Variants in LRRC4C observed in about 807,000 individuals in gnomAD.
The protein encoded by LRRC4C is leucine rich repeat containing 4C, also known as leucine-rich repeat-containing protein 4C.
Under a neutral mutation model 33.6 loss-of-function variants are expected in LRRC4C, and 5 were observed. That is an observed-to-expected ratio of 0.15 (90% CI 0.08 to 0.31). The LOEUF (loss-of-function observed/expected upper bound fraction) is 0.31. LRRC4C is among the 10% of genes least tolerant of loss of function. The probability of loss-of-function intolerance (pLI) is 1.00; values close to 1 mark genes in which losing one functional copy is unlikely to be tolerated. For missense variants in LRRC4C, 560 were observed against 796.7 expected, an observed-to-expected ratio of 0.70 and a Z score of 3.58; for synonymous variants, 329 against 302.0, an observed-to-expected ratio of 1.09 and a Z score of -0.93.
rs760891828 is a variant in LRRC4C, at chr11:40,500,287, TATATATACAC to T, written c.-270+147845_-270+147854del. Among the ~76,000 whole-genome samples the T allele has an allele frequency of 7.8e-3, 555 of 71,004 alleles. 3 individuals are homozygous for T. Among genetic ancestry groups the T allele is most frequent in the African/African-American group, 0.022 (452 of 20,584 alleles). The allele number at this position is 71,004 out of a possible 152,430, so 46.6% of individuals were successfully genotyped here. A position where few individuals can be genotyped will look rare whatever the true frequency, so the allele number is the denominator to read the frequency against. Reference sequence around the variant, plus strand: ...CTAATGTCTGATATATATATATATATATATATACACACACACACACACACACACACACACA... The same window carrying T: ...CTAATGTCTGATATATATATATATATACACACACACACACACACACACACA... On this transcript the variant is annotated intron_variant, in intron 3 of 6. Transcript: ENST00000528697.
At chr11:41,088,721 T>C (rs1159886897) in intron 1 of LRRC4C, among the ~76,000 whole-genome samples, 2 of 152,024 alleles carry the variant, frequency 1.3e-5, no homozygotes, top group South Asian at 2.1e-4. Flanking sequence ...AAAGTTTAAA[T>C]AAGTAATAAT....
intron 2 of LRRC4C, among the ~76,000 whole-genome samples, chr11:40,903,156 C>A (rs1026439818): frequency 6.6e-6 from 1 of 152,074 alleles, no homozygotes; most frequent in African/African-American, 2.4e-5. Flanking sequence ...ATGCTAATGC[C>A]CATTTACCAT....
At chr11:40,589,736 A>C (rs1275243242) in intron 3 of LRRC4C, among the ~76,000 whole-genome samples, 1 of 151,112 alleles carries the variant, frequency 6.6e-6, no homozygotes, top group Non-Finnish European at 1.5e-5. Context: ...TTCACTTATG[A>C]AACTTAGTTT....
intron 1 of LRRC4C, among the ~76,000 whole-genome samples, chr11:41,254,879 C>T (rs1948751129): frequency 6.6e-6 from 1 of 152,000 alleles, no homozygotes; most frequent in Non-Finnish European, 1.5e-5. Flanking sequence ...TCCTAGACTG[C>T]CAAATAGAAT....
chr11:40,842,273 C>T (rs888505760), intron 2 of LRRC4C, among the ~76,000 whole-genome samples: 15 of 152,162 alleles, frequency 9.9e-5, no homozygotes, highest in African/African-American at 3.4e-4. Flanking sequence ...GCTTCTGCCT[C>T]CTGCATCCCA....
intron 1 of LRRC4C, among the ~76,000 whole-genome samples, chr11:41,446,846 T>A (rs187540894): frequency 1.3e-5 from 2 of 152,198 alleles, no homozygotes; most frequent in African/African-American, 4.8e-5. Flanking sequence ...AAGGAGACTG[T>A]GGTTCATTGT....
At chr11:41,143,439 T>C (rs1337453687) in intron 1 of LRRC4C, among the ~76,000 whole-genome samples, 1 of 152,120 alleles carries the variant, frequency 6.6e-6, no homozygotes, top group Non-Finnish European at 1.5e-5. Flanking sequence ...AAAGAAGGGC[T>C]CCTACTTTCA....
intron 2 of LRRC4C, among the ~76,000 whole-genome samples, chr11:40,697,691 A>G (rs1945643202): frequency 6.6e-6 from 1 of 152,200 alleles, no homozygotes; most frequent in African/African-American, 2.4e-5. Flanking sequence ...TAACAATGAC[A>G]TAATAATCTG....
intron 6 of LRRC4C, among the ~76,000 whole-genome samples, chr11:40,129,332 A>T (rs1017861728): frequency 2.0e-5 from 3 of 152,146 alleles, no homozygotes; most frequent in Non-Finnish European, 2.9e-5. Flanking sequence ...TGATTTAAAG[A>T]TCATCTCACT....
chr11:40,806,626 G>C (rs1195481278), intron 2 of LRRC4C, among the ~76,000 whole-genome samples: 3 of 152,206 alleles, frequency 2.0e-5, no homozygotes, highest in African/African-American at 4.8e-5. Context: ...AAGTGGATAA[G>C]ACCACAAATA....
intron 3 of LRRC4C, among the ~76,000 whole-genome samples, chr11:40,373,095 A>G (rs1380098979): frequency 2.6e-5 from 4 of 152,226 alleles, no homozygotes; most frequent in Non-Finnish European, 4.4e-5. Context: ...TAATAAATGA[A>G]GCAAAGACAA....
At chr11:40,168,580 C>T (rs1008902029) in intron 5 of LRRC4C, among the ~76,000 whole-genome samples, 2 of 152,140 alleles carry the variant, frequency 1.3e-5, no homozygotes, top group African/African-American at 2.4e-5. Context: ...ACAAAGGCTC[C>T]CTGCCTTTAT....
chr11:40,504,848 T>A (rs888001946), intron 3 of LRRC4C, among the ~76,000 whole-genome samples: 15 of 152,190 alleles, frequency 9.9e-5, no homozygotes, highest in Admixed American at 8.5e-4. Context: ...GGGAATTTTC[T>A]GGCTCTGTCT....
intron 1 of LRRC4C, among the ~76,000 whole-genome samples, chr11:41,333,252 A>T (rs1951351336): frequency 6.6e-6 from 1 of 152,224 alleles, no homozygotes; most frequent in Admixed American, 6.5e-5. Context: ...AGTCAAAATA[A>T]ATTTCAAAGT....
At chr11:41,107,774 T>C (rs1941592885) in intron 1 of LRRC4C, among the ~76,000 whole-genome samples, 1 of 151,948 alleles carries the variant, frequency 6.6e-6, no homozygotes, top group Non-Finnish European at 1.5e-5. Flanking sequence ...CCCACATCTA[T>C]TGAAAATACA....
rs61911826 is a variant in LRRC4C at position 40,188,714 on chromosome 11, A to G, written c.-95-47861T>C. Among the ~76,000 whole-genome samples the G allele has an allele frequency of 6.5e-3, 988 of 152,206 alleles. 7 individuals carry two copies. Among genetic ancestry groups the G allele is most frequent in the Non-Finnish European group, 0.01 (695 of 68,012 alleles). Reference sequence around the variant, plus strand: ...AATAGGGGGAAAATATTATACAAACACACACACACATGCACACACACATAC... The same window carrying G: ...AATAGGGGGAAAATATTATACAAACGCACACACACATGCACACACACATAC... On this transcript the variant is annotated intron_variant, in intron 5 of 6. Coordinates refer to ENST00000528697, the MANE Select transcript of LRRC4C (RefSeq NM_001258419.2).
intron 3 of LRRC4C, among the ~76,000 whole-genome samples, chr11:40,481,071 A>G (rs1054544242): frequency 2.0e-5 from 3 of 152,132 alleles, no homozygotes; most frequent in African/African-American, 7.2e-5. Flanking sequence ...ACAGTAAAAA[A>G]AAAAAAAGAA....
At chr11:41,385,272 T>C (rs1419118843) in intron 1 of LRRC4C, among the ~76,000 whole-genome samples, 4 of 151,540 alleles carry the variant, frequency 2.6e-5, no homozygotes, top group African/African-American at 4.8e-5. Context: ...TGAATTAATA[T>C]AAAATGTTCT....
chr11:40,576,375 T>C (rs1958193629), intron 3 of LRRC4C, among the ~76,000 whole-genome samples: 1 of 152,248 alleles, frequency 6.6e-6, no homozygotes, highest in South Asian at 2.1e-4. Flanking sequence ...TGTATGCTTC[T>C]AGACCAGTTC....
Sources: gnomAD v4.1 joint callset for allele counts (sites outside exome capture counted in the v4.1 genomes callset) on GRCh38, gnomAD v4.1.1 for gene constraint, MANE v1.5 for transcripts, NCBI Gene and HGNC (gene_info 2026-07-23, HGNC 2026-07-21) for gene names.